Variants in ACSS3 observed in about 807,000 individuals in gnomAD.
The protein encoded by ACSS3 is acyl-CoA synthetase short chain family member 3.
A neutral mutation model predicts 84.2 loss-of-function variants in ACSS3; 64 were observed. That is an observed-to-expected ratio of 0.76 (90% CI 0.62 to 0.94). The LOEUF is 0.94. ACSS3 is among the 40% of genes least tolerant of loss of function. The probability of loss-of-function intolerance (pLI) is 0.00; values close to 1 mark genes in which losing one functional copy is unlikely to be tolerated. For synonymous variants in ACSS3, 317 were observed against 310.1 expected, an observed-to-expected ratio of 1.02 and a Z score of -0.23; for missense variants, 815 against 867.6, an observed-to-expected ratio of 0.94 and a Z score of 0.76.
chr12:81,183,615 T>G lies in ACSS3; in HGVS notation c.1250+8676T>G, dbSNP rs532005652. ...TAAAAAGATGGAAGGGGAACATCCA[T>G]GTAAATGCCATCCATAAGAGAGCAG... is the stretch of plus-strand genomic sequence containing the variant. On this transcript the variant is annotated intron_variant, in intron 8 of 15. Coordinates refer to ENST00000548058, the MANE Select transcript of ACSS3 (RefSeq NM_024560.4). Among the ~76,000 whole-genome samples the G allele has an allele frequency of 1.6e-4, 25 of 152,200 alleles. No homozygotes were observed. The South Asian group carries it at 2.1e-3, about 13-fold the overall frequency.
At position 81,140,225 on chromosome 12, in the gene ACSS3, A is replaced by G. The variant is rs374208266; in HGVS notation, c.780+960A>G. Among the ~76,000 whole-genome samples the G allele has an allele frequency of 1.8e-4, 28 of 152,336 alleles. No homozygotes were observed. In the East Asian group the frequency reaches 3.9e-3, roughly 21 times the overall value. The stretch of plus-strand genomic sequence containing the variant: ...AACAAAACATGAATATTCTAAGTAG[A>G]TAAATTATTCTGTGATCTATGAAGG... On this transcript the variant is annotated intron_variant, in intron 4 of 15. Transcript: ENST00000548058.
intron 13 of ACSS3, among the ~76,000 whole-genome samples, chr12:81,240,573 C>T (rs552952273): frequency 6.6e-6 from 1 of 151,938 alleles, no homozygotes; most frequent in Non-Finnish European, 1.5e-5. Context: ...TTAACATTTA[C>T]CAGATTTGTT....
chr12:81,240,074 C>G (rs2033746801), intron 13 of ACSS3, among the ~76,000 whole-genome samples: 1 of 151,754 alleles, frequency 6.6e-6, no homozygotes, highest in Admixed American at 6.6e-5. Flanking sequence ...CTATTGATGT[C>G]AATTTTATTC....
chr12:81,131,571 A>T (rs1049637115), intron 2 of ACSS3, among the ~76,000 whole-genome samples: 2 of 152,202 alleles, frequency 1.3e-5, no homozygotes, highest in Admixed American at 6.5e-5. Context: ...TTCATCTGCA[A>T]ACAGGGACAA....
intron 2 of ACSS3, among the ~76,000 whole-genome samples, chr12:81,129,727 T>C (rs1446388214): frequency 6.6e-6 from 1 of 152,124 alleles, no homozygotes. Flanking sequence ...CTGCACCCAT[T>C]AACTCATCAT....
intron 2 of ACSS3, among the ~76,000 whole-genome samples, chr12:81,126,572 A>ATT (rs1565991818): frequency 7.4e-6 from 1 of 135,762 alleles, no homozygotes; most frequent in East Asian, 2.2e-4. Context: ...AAATTTTAAC[A>ATT]TAAGTATCAA....
At chr12:81,207,692 A>C (rs1319383917) in intron 9 of ACSS3, among the ~76,000 whole-genome samples, 1 of 152,178 alleles carries the variant, frequency 6.6e-6, no homozygotes, top group African/African-American at 2.4e-5. Context: ...TACGTTTGAG[A>C]AAATGTAACC....
chr12:81,109,555 T>G lies in ACSS3; in HGVS notation c.312-5T>G. ...ATTCACCTTTACTTTCCAATTATTT[T>G]TCAGGTTTGTGGAAGGAATGCTTAA... On this transcript the variant is annotated splice_polypyrimidine_tract_variant and splice_region_variant and intron_variant, in intron 1 of 15. Transcript: ENST00000548058. The G allele has an allele frequency of 1.2e-6, 2 of 1,600,792 alleles. No individual in the cohort carries two copies. Among genetic ancestry groups the G allele is most frequent in the Non-Finnish European group, 1.7e-6 (2 of 1,175,818 alleles).
chr12:81,197,101 G>C lies in ACSS3; in HGVS notation c.1251-2240G>C, dbSNP rs576395220. Among the ~76,000 whole-genome samples the C allele has an allele frequency of 1.5e-4, 23 of 151,734 alleles. No individual in the cohort carries two copies. In the South Asian group the frequency reaches 4.6e-3, roughly 30 times the overall value. On this transcript the variant is annotated intron_variant, in intron 8 of 15. Transcript: ENST00000548058. ...GAACGTGGATTAGTAACAGCACATT[G>C]GATGTTTTATCACAATTTAACTAAA...
chr12:81,101,694 C>T (rs1882522722), intron 1 of ACSS3, among the ~76,000 whole-genome samples: 2 of 152,054 alleles, frequency 1.3e-5, no homozygotes, highest in African/African-American at 2.4e-5. Context: ...AATTTATTTG[C>T]TCACCAACAT....
chr12:81,188,101 T>C (rs140920076), intron 8 of ACSS3, among the ~76,000 whole-genome samples: 382 of 152,122 alleles, frequency 2.5e-3, no homozygotes, highest in African/African-American at 9.0e-3. Context: ...TTTAGAGATA[T>C]TCAGAGTATC....
At chr12:81,110,039 A>G (rs1248412314) in intron 2 of ACSS3, among the ~76,000 whole-genome samples, 2 of 152,226 alleles carry the variant, frequency 1.3e-5, no homozygotes, top group African/African-American at 4.8e-5. Flanking sequence ...CTATTGAAAC[A>G]GTCTTCTAAC....
chr12:81,258,209 A>G lies in ACSS3; in HGVS notation c.*3287A>G, dbSNP rs2034394252. The G allele has an allele frequency of 6.6e-6, 1 of 152,166 alleles. No homozygotes were observed. 9.4% of individuals were successfully genotyped at this position (152,166 alleles called of 1,614,324 possible). On this transcript the variant is annotated 3_prime_UTR_variant, in exon 16 of 16. Transcript: ENST00000548058. ...TCACCCAAAGAACACATTTCCTGAT[A>G]GTTTAAGTAAATTGTCGAGCCTTAT...
rs999369987 is a variant in ACSS3 at position 81,260,543 on chromosome 12, G to T, written c.*5621G>T. ...CAAATTATTATATACTTTAAATCAT[G>T]TCTAATTAGGTGCCAAATTATATAC... On this transcript the variant is annotated 3_prime_UTR_variant, in exon 16 of 16. Transcript: ENST00000548058. The T allele has an allele frequency of 6.6e-6, 1 of 152,150 alleles. No individual in the cohort carries two copies. Among genetic ancestry groups the T allele is most frequent in the Non-Finnish European group, 1.5e-5 (1 of 68,022 alleles). The allele number at this position is 152,150 out of a possible 1,614,324, so 9.4% of individuals were successfully genotyped here.
intron 10 of ACSS3, among the ~76,000 whole-genome samples, chr12:81,218,167 A>G (rs1565727252): frequency 6.6e-6 from 1 of 152,210 alleles, no homozygotes; most frequent in African/African-American, 2.4e-5. Flanking sequence ...GTAGAAAGGC[A>G]GAATATGTCT....
intron 1 of ACSS3, among the ~76,000 whole-genome samples, chr12:81,090,376 C>T (rs1881595977): frequency 6.6e-6 from 1 of 151,920 alleles, no homozygotes; most frequent in African/African-American, 2.4e-5. Flanking sequence ...ATACTTCTAC[C>T]AATAATTTGA....
At chr12:81,179,877 G>A (rs953091070) in intron 8 of ACSS3, among the ~76,000 whole-genome samples, 1 of 151,988 alleles carries the variant, frequency 6.6e-6, no homozygotes, top group Non-Finnish European at 1.5e-5. Flanking sequence ...AAGAGAAGAC[G>A]TTTAATTGGC....
chr12:81,170,883 A>T (rs2029985664), intron 7 of ACSS3, among the ~76,000 whole-genome samples: 1 of 152,082 alleles, frequency 6.6e-6, no homozygotes, highest in African/African-American at 2.4e-5. Context: ...GTGCGTGTGC[A>T]TGAAGGCAGG....
At chr12:81,133,156 C>T (rs1885612768) in intron 2 of ACSS3, among the ~76,000 whole-genome samples, 1 of 151,668 alleles carries the variant, frequency 6.6e-6, no homozygotes, top group Non-Finnish European at 1.5e-5. Context: ...GATCCCTTAA[C>T]CTTCACCACA....
Sources: gnomAD v4.1 joint callset for allele counts (sites outside exome capture counted in the v4.1 genomes callset) on GRCh38, gnomAD v4.1.1 for gene constraint, MANE v1.5 for transcripts, NCBI Gene and HGNC (gene_info 2026-07-23, HGNC 2026-07-21) for gene names.